Variants in EPB41 observed in about 807,000 individuals in gnomAD.
The protein encoded by EPB41 is protein 4.1.
In EPB41, 65 loss-of-function variants were observed where a neutral mutation model predicts 108.0. The ratio of observed to expected loss-of-function variants is 0.60; its 90% CI spans 0.49 to 0.74. EPB41 has a LOEUF of 0.74. EPB41 is among the 30% of genes least tolerant of loss of function. The pLI is 0.00. For missense variants in EPB41, 875 were observed against 1,037.0 expected (o/e 0.84, Z 2.15); for synonymous variants, 336 against 358.9 (o/e 0.94, Z 0.72).
In EPB41 at chr1:29,112,372, T is replaced by C. The variant is rs144717246; in HGVS notation, c.2420T>C (p.Val807Ala). ...ACATCTTCTCTTTGGTTCCAGACTG[T>C]AAAAGGTGGGATTTCAGAGACACGT... ...STTTTQITKT[V>A]KGGISETRIE... is the part of the protein sequence containing the mutation. The change falls in exon 19 of 21, where the codon GTA becomes GCA. Residue 807 changes from valine to alanine, a missense_variant. This residue lies in a region of EPB41 where 519 missense variants were observed against 627.3 expected (regional missense o/e 0.83). Coordinates refer to ENST00000343067, the MANE Select transcript of EPB41 (RefSeq NM_001376013.1). 3 of 1,613,006 alleles carry C rather than the reference T, an allele frequency of 1.9e-6. No individual in the cohort carries two copies. In the African/African-American group the frequency reaches 4.0e-5, roughly 22 times the overall value.
At chr1:29,065,303 T>C in intron 16 of EPB41, 145 bp downstream of exon 16, 1 of 1,353,240 alleles carries the variant, frequency 7.4e-7, no homozygotes. Flanking sequence ...AAGGCATTTG[T>C]AATCAAATAT....
intron 1 of EPB41, among the ~76,000 whole-genome samples, chr1:28,972,193 G>A (rs901869022): frequency 6.6e-6 from 1 of 152,174 alleles, no homozygotes; most frequent in African/African-American, 2.4e-5. Flanking sequence ...TTCCCAAAGT[G>A]TGCTAGGATT....
intron 1 of EPB41, among the ~76,000 whole-genome samples, chr1:28,888,332 G>T (rs1427163376): frequency 6.6e-6 from 1 of 152,206 alleles, no homozygotes; most frequent in Non-Finnish European, 1.5e-5. Flanking sequence ...GCTGGGGAGG[G>T]GCCAGAGCCC....
intron 6 of EPB41, 92 bp downstream of exon 6, chr1:29,015,859 G>A (rs1054596069): frequency 2.4e-5 from 21 of 884,906 alleles, no homozygotes; most frequent in African/African-American, 1.9e-4. Context: ...TGCTAATTCC[G>A]TATTCAGAAC....
chr1:29,057,741 A>G (rs1645802086), intron 12 of EPB41, among the ~76,000 whole-genome samples: 1 of 152,080 alleles, frequency 6.6e-6, no homozygotes. Context: ...TGTTTTTTTT[A>G]AATAATTGCT....
intron 1 of EPB41, among the ~76,000 whole-genome samples, chr1:28,905,743 A>G (rs203292): frequency 0.12 from 18,580 of 151,818 alleles, 1,566 homozygotes; most frequent in African/African-American, 0.25. Flanking sequence ...GTCATACAGC[A>G]AATTTATTGT....
chr1:29,065,015 C>T lies in EPB41; in HGVS notation c.2041C>T (p.His681Tyr). 1.2e-6 allele frequency: 2 copies of T among 1,614,100 alleles called. No individual in the cohort carries two copies. The highest frequency in any genetic ancestry group is 8.5e-7 in the Non-Finnish European group (1 of 1,180,012). Residue 681 changes from histidine to tyrosine, a missense_variant, in exon 16 of 21, where the codon CAT becomes TAT. By Grantham distance (83) the His-to-Tyr change is moderately conservative. This residue lies in a region of EPB41 where 519 missense variants were observed against 627.3 expected (regional missense o/e 0.83). Coordinates refer to ENST00000343067, the MANE Select transcript of EPB41 (RefSeq NM_001376013.1). ...CAAGAGTCAAGAGGAGATCAAAAAA[C>T]ATCATGCCAGCATCAGTGAGCTGAA... Reference protein sequence around the residue: ...LDKSQEEIKKHHASISELKKN... With the variant: ...LDKSQEEIKKYHASISELKKN...
chr1:28,977,980 G>A (rs561162627), intron 1 of EPB41, among the ~76,000 whole-genome samples: 3 of 144,434 alleles, frequency 2.1e-5, no homozygotes, highest in Admixed American at 2.0e-4. Flanking sequence ...GAACATAGAT[G>A]CAAACTCTCC....
chr1:28,945,553 G>GA (rs1467332693), intron 1 of EPB41, among the ~76,000 whole-genome samples: 1 of 151,904 alleles, frequency 6.6e-6, no homozygotes, highest in South Asian at 2.1e-4. Context: ...CACCCTAAGG[G>GA]AAAAAAAGGA....
chr1:29,057,392 A>AAAAAG (rs1558181161), intron 12 of EPB41, among the ~76,000 whole-genome samples: 9 of 150,070 alleles, frequency 6.0e-5, no homozygotes, highest in African/African-American at 2.2e-4. Flanking sequence ...AAAAAAAAAA[A>AAAAAG]AAAAGAAAAA....
At chr1:28,993,778 T>C (rs905784879) in intron 3 of EPB41, among the ~76,000 whole-genome samples, 3 of 150,028 alleles carry the variant, frequency 2.0e-5, no homozygotes, top group African/African-American at 7.4e-5. Flanking sequence ...TGTCTCAGCC[T>C]CCCGAGTAGC....
At chr1:28,998,352 A>G (rs554540870) in intron 4 of EPB41, among the ~76,000 whole-genome samples, 1 of 152,294 alleles carries the variant, frequency 6.6e-6, no homozygotes, top group East Asian at 1.9e-4. Flanking sequence ...TAACAGATGA[A>G]TCTGGACAGG....
At chr1:28,980,948 T>C (rs1172744032) in intron 1 of EPB41, among the ~76,000 whole-genome samples, 2 of 152,082 alleles carry the variant, frequency 1.3e-5, no homozygotes, top group Non-Finnish European at 2.9e-5. Flanking sequence ...AGTTTTTGTA[T>C]TTTTAGTAGA....
chr1:28,983,868 G>A (rs1191027819), intron 1 of EPB41, among the ~76,000 whole-genome samples: 1 of 152,070 alleles, frequency 6.6e-6, no homozygotes, highest in Non-Finnish European at 1.5e-5. Context: ...GAGGTCAGAG[G>A]GCCAGTGTGA....
At chr1:28,997,788 T>C (rs1043535709) in intron 4 of EPB41, among the ~76,000 whole-genome samples, 3 of 152,128 alleles carry the variant, frequency 2.0e-5, no homozygotes, top group African/African-American at 7.2e-5. Context: ...CCCAATATTA[T>C]TGAAACGGTC....
intron 1 of EPB41, among the ~76,000 whole-genome samples, chr1:28,946,173 A>C (rs2148873024): frequency 6.6e-6 from 1 of 152,190 alleles, no homozygotes; most frequent in Non-Finnish European, 1.5e-5. Flanking sequence ...GTGATTGAGA[A>C]GAACCTTAAC....
In EPB41 at chr1:29,057,427, C is replaced by T. The variant is rs573505779; in HGVS notation, c.1846-1162C>T. 8.4e-4 allele frequency among the ~76,000 whole-genome samples: 125 copies of T among 148,720 alleles called. 1 individual carries two copies. The highest frequency in any genetic ancestry group is 1.4e-3 in the Non-Finnish European group (94 of 67,092). On this transcript the variant is annotated intron_variant, in intron 12 of 20. Coordinates refer to ENST00000343067, the MANE Select transcript of EPB41 (RefSeq NM_001376013.1). Reference sequence around the variant, plus strand: ...AGAAATAACCCCAAACCGTTAATTACCCCTGGTAGTTAAAGTGCTGTAATG... The same window carrying T: ...AGAAATAACCCCAAACCGTTAATTATCCCTGGTAGTTAAAGTGCTGTAATG...
chr1:29,098,494 C>G (rs954986970), intron 17 of EPB41, among the ~76,000 whole-genome samples: 9 of 152,060 alleles, frequency 5.9e-5, no homozygotes, highest in Non-Finnish European at 1.2e-4. Context: ...CACGCCTGGC[C>G]TAAATTTTTT....
At chr1:28,969,385 C>T (rs1029893588) in intron 1 of EPB41, among the ~76,000 whole-genome samples, 1 of 152,016 alleles carries the variant, frequency 6.6e-6, no homozygotes, top group African/African-American at 2.4e-5. Flanking sequence ...ACGCCCAGCC[C>T]ATGTCTTACT....
Sources: gnomAD v4.1 joint callset for allele counts (sites outside exome capture counted in the v4.1 genomes callset) on GRCh38, gnomAD v4.1.1 for gene constraint, gnomAD v4.1.1 regional missense constraint, MANE v1.5 for transcripts, NCBI Gene and HGNC (gene_info 2026-07-23, HGNC 2026-07-21) for gene names.